Variants in NTRK3 observed in about 807,000 individuals in gnomAD.
NTRK3 encodes NT-3 growth factor receptor.
Under a neutral mutation model 91.7 loss-of-function variants are expected in NTRK3, and 24 were observed. The ratio of observed to expected loss-of-function variants is 0.26; its 90% CI spans 0.19 to 0.37. The LOEUF (loss-of-function observed/expected upper bound fraction) is 0.37. NTRK3 is among the 10% of genes least tolerant of loss of function. The pLI is 1.00. For synonymous variants in NTRK3, 483 were observed against 404.0 expected, an observed-to-expected ratio of 1.20 and a Z score of -2.34; for missense variants, 880 against 1,068.9, an observed-to-expected ratio of 0.82 and a Z score of 2.46.
At chr15:88,207,673 C>T (rs1253591237) in intron 3 of NTRK3, among the ~76,000 whole-genome samples, 1 of 152,186 alleles carries the variant, frequency 6.6e-6, no homozygotes, top group Non-Finnish European at 1.5e-5. Context: ...GAGGCCTCTG[C>T]TGCAGGCAAA....
chr15:87,881,912 T>G (rs528154279), intron 17 of NTRK3, among the ~76,000 whole-genome samples: 60 of 152,218 alleles, frequency 3.9e-4, no homozygotes, highest in African/African-American at 1.3e-3. Flanking sequence ...TTCTTTTTTC[T>G]GAGACAGAGT....
At chr15:88,253,389 G>A (rs554723554) in intron 3 of NTRK3, 1 of 152,352 alleles carries the variant, frequency 6.6e-6, no homozygotes, top group African/African-American at 2.4e-5. Context: ...GGTTCCTGTT[G>A]GGATTGTGTG....
chr15:87,885,631 C>T (rs2141514222), intron 17 of NTRK3, 63 bp downstream of exon 18: 1 of 841,430 alleles, frequency 1.2e-6, no homozygotes. Context: ...GAAACAATGG[C>T]TTAGTAATTA....
rs74784059 is a variant in NTRK3 at position 87,922,543 on chromosome 15, A to C, written c.2133+6648T>G. ...CATAAATATCTTTAGGATCCTCTTAAAAGCCCTGAACCTTCAAAAAACAAA... is the reference window on the plus strand; with the variant it reads ...CATAAATATCTTTAGGATCCTCTTACAAGCCCTGAACCTTCAAAAAACAAA... On this transcript the variant is annotated intron_variant, in intron 17 of 18. Transcript: ENST00000394480. Among the ~76,000 whole-genome samples the C allele has an allele frequency of 2.6e-3, 398 of 152,294 alleles. 4 individuals carry two copies. Among genetic ancestry groups the C allele is most frequent in the African/African-American group, 9.3e-3 (388 of 41,560 alleles).
chr15:88,178,251 C>A (rs1240544999), intron 5 of NTRK3, among the ~76,000 whole-genome samples: 1 of 152,176 alleles, frequency 6.6e-6, no homozygotes, highest in East Asian at 1.9e-4. Context: ...AACTCAGAAT[C>A]TGGGGTTATT....
intron 17 of NTRK3, 92 bp from the exon 19 acceptor site, chr15:87,880,520 G>C: frequency 2.2e-6 from 3 of 1,334,822 alleles, no homozygotes; most frequent in Non-Finnish European, 3.2e-6. Context: ...ATGCACTCTT[G>C]ATGCATCCTA....
At position 88,033,174 on chromosome 15, in the gene NTRK3, TGTTATA is replaced by T. The variant is rs1567261625; in HGVS notation, c.1397-135_1397-130del. ...TTCTTTTTTTTACTTTTGGGGGGTG[TGTTATA>T]TATATATATATATATATATATATAT... On this transcript the variant is annotated intron_variant, in intron 13 of 18. Coordinates refer to ENST00000394480, the Ensembl canonical transcript of NTRK3. The T allele has an allele frequency of 1.5e-5, 4 of 266,636 alleles. 1 individual carries two copies. In the African/African-American group the frequency reaches 2.9e-4, roughly 19 times the overall value. The allele number at this position is 266,636 out of a possible 1,614,324, so 16.5% of individuals were successfully genotyped here.
intron 13 of NTRK3, among the ~76,000 whole-genome samples, chr15:88,042,749 T>C (rs1181540488): frequency 6.6e-6 from 1 of 152,182 alleles, no homozygotes; most frequent in Non-Finnish European, 1.5e-5. Flanking sequence ...CTTACCTCCC[T>C]TAATCATCAC....
chr15:88,044,254 C>CTTTTTT (rs1181028004), intron 13 of NTRK3, among the ~76,000 whole-genome samples: 68 of 78,496 alleles, frequency 8.7e-4, no homozygotes, highest in African/African-American at 9.8e-4. Context: ...AGTCTATGTT[C>CTTTTTT]TTTTTTTTTT....
intron 5 of NTRK3, among the ~76,000 whole-genome samples, chr15:88,177,279 T>C (rs1219305906): frequency 1.3e-5 from 2 of 152,192 alleles, no homozygotes; most frequent in Non-Finnish European, 2.9e-5. Flanking sequence ...ATCGGATTTA[T>C]ATGTTTAAAA....
chr15:88,156,421 C>T (rs913944952), intron 5 of NTRK3, among the ~76,000 whole-genome samples: 1 of 152,110 alleles, frequency 6.6e-6, no homozygotes, highest in Admixed American at 6.5e-5. Flanking sequence ...TGACATCAGC[C>T]TCCTGTTTCC....
chr15:87,990,831 T>C (rs1463316717), intron 14 of NTRK3, among the ~76,000 whole-genome samples: 3 of 152,210 alleles, frequency 2.0e-5, no homozygotes, highest in Admixed American at 6.5e-5. Flanking sequence ...TCTTACCTAG[T>C]AAATGATGGA....
At chr15:88,178,604 T>C (rs916763140) in intron 5 of NTRK3, among the ~76,000 whole-genome samples, 1 of 152,208 alleles carries the variant, frequency 6.6e-6, no homozygotes, top group Non-Finnish European at 1.5e-5. Context: ...GAGCAAGAAA[T>C]GGAGCCCAAG....
Position 88,183,408 on chromosome 15 carries a change from C to A in NTRK3, c.395+10G>T, listed in dbSNP as rs768140136. 1 of 1,613,952 alleles carries A rather than the reference C, an allele frequency of 6.2e-7. No homozygotes were observed. The highest frequency in any genetic ancestry group is 1.1e-5 in the South Asian group (1 of 91,072). ...TGTGCCCCCAATCCCTGCAGCCCAGCTCTACTCACATATAACGCAAATGGG... is the reference window on the plus strand; with the variant it reads ...TGTGCCCCCAATCCCTGCAGCCCAGATCTACTCACATATAACGCAAATGGG... On this transcript the variant is annotated intron_variant, in intron 5 of 18. Transcript: ENST00000394480.
intron 13 of NTRK3, among the ~76,000 whole-genome samples, chr15:88,057,106 T>C (rs1385067808): frequency 6.7e-6 from 1 of 148,330 alleles, no homozygotes; most frequent in Admixed American, 6.7e-5. Context: ...GAGGCGGAGC[T>C]TGCAGTGAGT....
intron 14 of NTRK3, among the ~76,000 whole-genome samples, chr15:87,963,669 G>C (rs2072518903): frequency 6.6e-6 from 1 of 152,200 alleles, no homozygotes; most frequent in Admixed American, 6.5e-5. Flanking sequence ...AAGCGATGAT[G>C]GTTGGTAAGT....
At chr15:87,942,548 C>A (rs149976675) in intron 14 of NTRK3, among the ~76,000 whole-genome samples, 1 of 152,146 alleles carries the variant, frequency 6.6e-6, no homozygotes, top group African/African-American at 2.4e-5. Flanking sequence ...AGGTGAGTGT[C>A]CTGGCACGGC....
At chr15:88,133,605 C>T (rs1270688625) in intron 10 of NTRK3, among the ~76,000 whole-genome samples, 2 of 152,214 alleles carry the variant, frequency 1.3e-5, no homozygotes. Flanking sequence ...GGCAACGTTT[C>T]AGTCTTTTAT....
chr15:88,107,037 T>C (rs2050788670), intron 13 of NTRK3, among the ~76,000 whole-genome samples: 1 of 94,596 alleles, frequency 1.1e-5, no homozygotes, highest in African/African-American at 5.8e-5. Context: ...TACATATATG[T>C]ATTCACACAT....
Sources: allele counts gnomAD v4.1 joint callset (sites outside exome capture counted in the v4.1 genomes callset), GRCh38; gene constraint gnomAD v4.1.1; transcripts MANE v1.5; gene names NCBI Gene and HGNC (gene_info 2026-07-23, HGNC 2026-07-21).